Variants in PARD3 observed in about 807,000 individuals in gnomAD.
PARD3 encodes partitioning defective 3 homolog.
PARD3 carries 75 observed loss-of-function variants against 155.4 expected under a neutral mutation model. That is an observed-to-expected ratio of 0.48 (90% confidence interval 0.40 to 0.58). The LOEUF is 0.58. Among genes scored for constraint, PARD3 ranks in the 20% least tolerant of loss-of-function variants. The pLI is 0.00. For synonymous variants in PARD3, 576 were observed against 610.5 expected (o/e 0.94, Z 0.83); for missense variants, 1,642 against 1,721.7 (o/e 0.95, Z 0.82).
chr10:34,552,168 G>C (rs2084633938), intron 2 of PARD3, among the ~76,000 whole-genome samples: 1 of 152,216 alleles, frequency 6.6e-6, no homozygotes, highest in African/African-American at 2.4e-5. Flanking sequence ...CTGGAGTACA[G>C]TGGTAAATCA....
chr10:34,741,185 T>TGTTTGTTTGTTTG (rs1309714261), intron 1 of PARD3, among the ~76,000 whole-genome samples: 1,634 of 137,644 alleles, frequency 0.012, 30 homozygotes, highest in African/African-American at 0.04. Context: ...TTTTTTTTTT[T>TGTTTGTTTGTTTG]TTTTTTTTTG....
chr10:34,352,180 C>A (rs1196465767), intron 14 of PARD3, among the ~76,000 whole-genome samples: 1 of 152,208 alleles, frequency 6.6e-6, no homozygotes, highest in African/African-American at 2.4e-5. Context: ...ATATTAATGT[C>A]TTTAAAATAT....
At chr10:34,776,471 G>A (rs1839538027) in intron 1 of PARD3, among the ~76,000 whole-genome samples, 1 of 152,016 alleles carries the variant, frequency 6.6e-6, no homozygotes, top group African/African-American at 2.4e-5. Context: ...CACATGGCCA[G>A]GGAGGAAACA....
chr10:34,633,166 TATG>T lies in PARD3; in HGVS notation c.222+63149_222+63151del, dbSNP rs373416056. On this transcript the variant is annotated intron_variant, in intron 2 of 24. Transcript: ENST00000374788. ...ATCCCCTCAAATATTCAACATTTTTTATGATGAGAACATATGAAATTTACTCTC... is the reference window on the plus strand; with the variant it reads ...ATCCCCTCAAATATTCAACATTTTTTATGAGAACATATGAAATTTACTCTC... Among the ~76,000 whole-genome samples the T allele has an allele frequency of 1.2e-4, 18 of 152,336 alleles. No individual in the cohort carries two copies. The South Asian group carries it at 3.7e-3, about 32-fold the overall frequency.
intron 2 of PARD3, among the ~76,000 whole-genome samples, chr10:34,631,367 T>C (rs1015410781): frequency 2.6e-5 from 4 of 151,744 alleles, no homozygotes; most frequent in Non-Finnish European, 5.9e-5. Context: ...AAGGGGTGGG[T>C]GTAGCAAAAA....
chr10:34,673,636 C>T (rs556178855), intron 2 of PARD3, among the ~76,000 whole-genome samples: 4 of 152,224 alleles, frequency 2.6e-5, no homozygotes, highest in African/African-American at 9.6e-5. Context: ...TTTTCTGCTA[C>T]GATTAGGAAA....
intron 22 of PARD3, among the ~76,000 whole-genome samples, chr10:34,179,390 G>C (rs1179844693): frequency 1.3e-5 from 2 of 152,222 alleles, no homozygotes; most frequent in Non-Finnish European, 2.9e-5. Context: ...GCAAGGAGCA[G>C]AGAATGGTTT....
chr10:34,114,132 G>T (rs1269061102), intron 24 of PARD3, among the ~76,000 whole-genome samples: 1 of 151,952 alleles, frequency 6.6e-6, no homozygotes, highest in Admixed American at 6.6e-5. Context: ...TGTGGTGGTG[G>T]GTGCCTGTAG....
At chr10:34,462,166 T>C (rs1229140292) in intron 4 of PARD3, among the ~76,000 whole-genome samples, 1 of 152,202 alleles carries the variant, frequency 6.6e-6, no homozygotes, top group Non-Finnish European at 1.5e-5. Context: ...AGCAGAATAG[T>C]TTAAAGTCTG....
At chr10:34,660,765 T>C (rs1439284984) in intron 2 of PARD3, among the ~76,000 whole-genome samples, 2 of 152,014 alleles carry the variant, frequency 1.3e-5, no homozygotes, top group African/African-American at 2.4e-5. Context: ...CAGTACCAAA[T>C]AGGATAGCAA....
intron 2 of PARD3, among the ~76,000 whole-genome samples, chr10:34,559,771 A>G (rs2085312722): frequency 6.6e-6 from 1 of 151,372 alleles, no homozygotes; most frequent in African/African-American, 2.4e-5. Flanking sequence ...CAGCGATATA[A>G]TTTGACCTTA....
At chr10:34,495,732 T>C (rs984940569) in intron 3 of PARD3, among the ~76,000 whole-genome samples, 16 of 151,992 alleles carry the variant, frequency 1.1e-4, no homozygotes, top group Admixed American at 9.2e-4. Context: ...GGTCTGGTTA[T>C]TCAAATGTGG....
intron 22 of PARD3, among the ~76,000 whole-genome samples, chr10:34,225,436 C>T (rs1038526802): frequency 2.6e-5 from 4 of 152,014 alleles, no homozygotes; most frequent in Non-Finnish European, 4.4e-5. Context: ...ACCTCCACCT[C>T]CCGGGTTCAA....
chr10:34,212,699 G>A (rs1230184466), intron 22 of PARD3, among the ~76,000 whole-genome samples: 1 of 152,170 alleles, frequency 6.6e-6, no homozygotes, highest in Non-Finnish European at 1.5e-5. Flanking sequence ...CGCAGAGGTG[G>A]ATGGAGTTCT....
chr10:34,657,246 C>CAA (rs2093196947), intron 2 of PARD3, among the ~76,000 whole-genome samples: 1 of 151,728 alleles, frequency 6.6e-6, no homozygotes, highest in Non-Finnish European at 1.5e-5. Context: ...AAAAAAAAGT[C>CAA]AGAAAAGCCA....
intron 2 of PARD3, 104 bp from the exon 3 acceptor site, chr10:34,517,263 TA>T: frequency 1.0e-6 from 1 of 985,176 alleles, no homozygotes; most frequent in Non-Finnish European, 1.5e-6. Context: ...AATACTGATA[TA>T]AATGACCCTA....
chr10:34,191,261 A>T (rs1237524489), intron 22 of PARD3, among the ~76,000 whole-genome samples: 1 of 151,976 alleles, frequency 6.6e-6, no homozygotes, highest in Non-Finnish European at 1.5e-5. Flanking sequence ...TTTAGAGCGG[A>T]GAATAAGCCA....
At chr10:34,696,510 A>G (rs1244694189) in intron 1 of PARD3, 91 bp from the exon 2 acceptor site, 7 of 808,850 alleles carry the variant, frequency 8.7e-6, no homozygotes, top group Admixed American at 2.0e-5. Flanking sequence ...TCCTGCCCAT[A>G]AAAAGGAATC....
intron 1 of PARD3, among the ~76,000 whole-genome samples, chr10:34,705,235 C>T (rs2094345167): frequency 6.6e-6 from 1 of 152,132 alleles, no homozygotes; most frequent in Non-Finnish European, 1.5e-5. Flanking sequence ...GAGGTGGAGG[C>T]AGGAGGATTG....
Sources: gnomAD v4.1 joint callset for allele counts (sites outside exome capture counted in the v4.1 genomes callset) on GRCh38, gnomAD v4.1.1 for gene constraint, MANE v1.5 for transcripts, NCBI Gene and HGNC (gene_info 2026-07-23, HGNC 2026-07-21) for gene names.